Variants in NRXN1 observed in about 807,000 individuals in gnomAD.
NRXN1 encodes the protein neurexin-1.
A neutral mutation model predicts 150.9 loss-of-function variants in NRXN1; 39 were observed. That is an observed-to-expected ratio of 0.26 (90% confidence interval 0.20 to 0.34). The LOEUF (loss-of-function observed/expected upper bound fraction) is 0.34, where lower values mean the gene tolerates loss of function less well. NRXN1 is among the 10% of genes least tolerant of loss of function. The pLI, the probability that NRXN1 is intolerant of heterozygous loss-of-function variation, is 1.00. For missense variants in NRXN1, 1,815 were observed against 1,949.9 expected, an observed-to-expected ratio of 0.93 and a Z score of 1.30; for synonymous variants, 924 against 757.0, an observed-to-expected ratio of 1.22 and a Z score of -3.62.
intron 15 of NRXN1, among the ~76,000 whole-genome samples, chr2:50,493,857 A>C (rs2091405617): frequency 6.6e-6 from 1 of 152,248 alleles, no homozygotes; most frequent in Non-Finnish European, 1.5e-5. Context: ...AAAAAACACA[A>C]GTACACTGAG....
chr2:50,620,544 T>C (rs1217858946), intron 7 of NRXN1, among the ~76,000 whole-genome samples: 2 of 152,124 alleles, frequency 1.3e-5, no homozygotes, highest in African/African-American at 4.8e-5. Flanking sequence ...GTGTACATAT[T>C]AGTAAGGTTT....
At chr2:50,614,166 C>T (rs1018680889) in intron 8 of NRXN1, among the ~76,000 whole-genome samples, 2 of 151,984 alleles carry the variant, frequency 1.3e-5, no homozygotes, top group Non-Finnish European at 2.9e-5. Context: ...AGAAGAGAGG[C>T]AATAAGTCAG....
intron 5 of NRXN1, among the ~76,000 whole-genome samples, chr2:50,635,684 C>T (rs992260489): frequency 2.6e-5 from 4 of 152,140 alleles, no homozygotes; most frequent in Non-Finnish European, 5.9e-5. Flanking sequence ...AAAAGCTAAC[C>T]TCTTCATTAA....
intron 2 of NRXN1, among the ~76,000 whole-genome samples, chr2:50,953,168 T>C (rs1691679625): frequency 6.6e-6 from 1 of 152,194 alleles, no homozygotes; most frequent in Admixed American, 6.5e-5. Flanking sequence ...TATAGACCCA[T>C]TATGAATAGC....
intron 5 of NRXN1, among the ~76,000 whole-genome samples, chr2:50,770,251 A>G (rs1702848145): frequency 6.6e-6 from 1 of 152,120 alleles, no homozygotes; most frequent in Non-Finnish European, 1.5e-5. Flanking sequence ...CACTTTAGTG[A>G]AAGAAATTTT....
At chr2:49,987,127 T>C (rs1211552137) in intron 21 of NRXN1, among the ~76,000 whole-genome samples, 1 of 152,164 alleles carries the variant, frequency 6.6e-6, no homozygotes, top group East Asian at 1.9e-4. Flanking sequence ...TATTCCTCCT[T>C]ATCTAACTGT....
At chr2:50,107,726 G>C (rs1701874004) in intron 18 of NRXN1, among the ~76,000 whole-genome samples, 1 of 151,380 alleles carries the variant, frequency 6.6e-6, no homozygotes, top group Non-Finnish European at 1.5e-5. Flanking sequence ...AAAGTATCTT[G>C]GCCTAGATAG....
intron 17 of NRXN1, among the ~76,000 whole-genome samples, chr2:50,412,229 T>C (rs2083240742): frequency 2.0e-5 from 3 of 152,122 alleles, no homozygotes; most frequent in Admixed American, 2.0e-4. Context: ...TTCACATGTT[T>C]ATCTGCTGAC....
intron 2 of NRXN1, among the ~76,000 whole-genome samples, chr2:50,932,460 C>CT (rs1687897757): frequency 1.3e-5 from 2 of 151,970 alleles, no homozygotes; most frequent in Admixed American, 1.3e-4. Flanking sequence ...CATTCTGTAT[C>CT]TTTTAAGTGG....
chr2:50,251,938 T>C (rs750905957), intron 17 of NRXN1, among the ~76,000 whole-genome samples: 4 of 152,156 alleles, frequency 2.6e-5, no homozygotes, highest in Non-Finnish European at 5.9e-5. Context: ...TATTAGACCT[T>C]TGTCAGATGG....
chr2:50,931,586 A>G (rs186181708), intron 2 of NRXN1, among the ~76,000 whole-genome samples: 1 of 152,196 alleles, frequency 6.6e-6, no homozygotes, highest in East Asian at 1.9e-4. Flanking sequence ...ACCCTCACAT[A>G]TGTAACAAAC....
At chr2:50,301,791 T>C (rs889630233) in intron 17 of NRXN1, among the ~76,000 whole-genome samples, 2 of 152,172 alleles carry the variant, frequency 1.3e-5, no homozygotes, top group Non-Finnish European at 2.9e-5. Flanking sequence ...CCATTGCCTA[T>C]TTGTTTTCCA....
At chr2:50,134,891 T>C (rs904076673) in intron 18 of NRXN1, among the ~76,000 whole-genome samples, 2 of 152,186 alleles carry the variant, frequency 1.3e-5, no homozygotes, top group African/African-American at 2.4e-5. Flanking sequence ...AGGTAATTGC[T>C]TAAAACTCCA....
intron 11 of NRXN1, 38 bp from the exon 12 acceptor site, chr2:50,528,689 C>A: frequency 7.2e-7 from 1 of 1,396,558 alleles, no homozygotes. Context: ...GAAAATTCAT[C>A]CTTCAAGGTA....
intron 2 of NRXN1, among the ~76,000 whole-genome samples, chr2:50,954,328 T>C (rs1691913980): frequency 6.6e-6 from 1 of 152,226 alleles, no homozygotes; most frequent in Non-Finnish European, 1.5e-5. Flanking sequence ...GATGGCGTTA[T>C]GTGGACCACC....
intron 15 of NRXN1, among the ~76,000 whole-genome samples, chr2:50,489,343 C>G (rs186096316): frequency 1.3e-5 from 2 of 152,288 alleles, no homozygotes; most frequent in East Asian, 3.9e-4. Flanking sequence ...GTGGCACTCT[C>G]GCTACCAATC....
At chr2:50,612,080 C>A (rs1678247260) in intron 8 of NRXN1, among the ~76,000 whole-genome samples, 1 of 152,138 alleles carries the variant, frequency 6.6e-6, no homozygotes, top group Non-Finnish European at 1.5e-5. Flanking sequence ...GGGAGCAACA[C>A]AGAGTGGCAG....
At chr2:50,598,578 GTATA>G (rs1199786519) in intron 8 of NRXN1, among the ~76,000 whole-genome samples, 10 of 131,786 alleles carry the variant, frequency 7.6e-5, no homozygotes, top group African/African-American at 2.8e-4. Context: ...GTGTGTGTGT[GTATA>G]TATATGTATA....
At position 50,699,355 on chromosome 2, in the gene NRXN1, C is replaced by T. The variant is rs990513709; in HGVS notation, c.833-75740G>A. Among the ~76,000 whole-genome samples, 17 of 152,200 alleles carry T rather than the reference C, an allele frequency of 1.1e-4. 1 individual carries two copies. Among genetic ancestry groups the T allele is most frequent in the South Asian group, 4.2e-4 (2 of 4,818 alleles). The stretch of plus-strand genomic sequence containing the variant: ...AGATCCTGTGAATATGTCCTTAAGA[C>T]GTAATTAATGTTATAGATCTAGAAA... On this transcript the variant is annotated intron_variant, in intron 5 of 22. Coordinates refer to ENST00000401669, the MANE Select transcript of NRXN1 (RefSeq NM_001330078.2).
Sources: allele counts gnomAD v4.1 joint callset (sites outside exome capture counted in the v4.1 genomes callset), GRCh38; gene constraint gnomAD v4.1.1; transcripts MANE v1.5; gene names NCBI Gene and HGNC (gene_info 2026-07-23, HGNC 2026-07-21).